Variants in AEBP2 observed in about 807,000 individuals in gnomAD.
The protein encoded by AEBP2 is AE binding protein 2, also known as zinc finger protein AEBP2.
In AEBP2, 10 loss-of-function variants were observed where a neutral mutation model predicts 50.8. That is an observed-to-expected ratio of 0.20 (90% CI 0.12 to 0.33). AEBP2 has a LOEUF of 0.33. AEBP2 is among the 10% of genes least tolerant of loss of function. The pLI is 1.00. For synonymous variants in AEBP2, 296 were observed against 261.3 expected, an observed-to-expected ratio of 1.13 and a Z score of -1.28; for missense variants, 570 against 688.0, an observed-to-expected ratio of 0.83 and a Z score of 1.92.
intron 1 of AEBP2, among the ~76,000 whole-genome samples, chr12:19,459,681 T>G (rs547522393): frequency 1.3e-5 from 2 of 152,328 alleles, no homozygotes; most frequent in South Asian, 2.1e-4. Context: ...TTACAGAGAT[T>G]ACAGAGTTTT....
At chr12:19,449,856 G>A (rs1948135978) in intron 1 of AEBP2, among the ~76,000 whole-genome samples, 1 of 152,126 alleles carries the variant, frequency 6.6e-6, no homozygotes, top group South Asian at 2.1e-4. Flanking sequence ...AAAATGATGA[G>A]CATTTACTAC....
At position 19,522,016 on chromosome 12, in the gene AEBP2, C is replaced by A. The variant is rs889079778; in HGVS notation, c.*3899C>A. On this transcript the variant is annotated 3_prime_UTR_variant, in exon 8 of 8. Transcript: ENST00000266508. ...GTAACAAAGCCTGTTGGGTACAGGT[C>A]TACAAGGAGATACTTTGTTTCTAAA... The A allele has an allele frequency of 1.2e-4, 18 of 151,520 alleles. No individual in the cohort carries two copies. The highest frequency in any genetic ancestry group is 2.4e-4 in the Non-Finnish European group (16 of 67,942). The allele number at this position is 151,520 out of a possible 1,614,324, so 9.4% of individuals were successfully genotyped here. A position where few individuals can be genotyped will look rare whatever the true frequency, so the allele number is the denominator to read the frequency against.
chr12:19,480,223 C>G (rs1948707070), intron 3 of AEBP2, among the ~76,000 whole-genome samples: 1 of 152,142 alleles, frequency 6.6e-6, no homozygotes, highest in Non-Finnish European at 1.5e-5. Flanking sequence ...CCTGCCTCAC[C>G]CTCCCAAGTA....
At chr12:19,485,965 TTTTC>T (rs202193954) in intron 3 of AEBP2, among the ~76,000 whole-genome samples, 2,962 of 149,842 alleles carry the variant, frequency 0.02, 35 homozygotes, top group East Asian at 0.04. Flanking sequence ...TTTTTTTTTT[TTTTC>T]ATTTTGTTTG....
chr12:19,440,877 A>G (rs1947945634), intron 1 of AEBP2: 2 of 1,013,676 alleles, frequency 2.0e-6, no homozygotes, highest in Non-Finnish European at 2.8e-6. Flanking sequence ...AAACAAAAAA[A>G]GGACTGTTCT....
At chr12:19,462,429 A>G in intron 1 of AEBP2, 81 bp from the exon 2 acceptor site, 1 of 1,169,062 alleles carries the variant, frequency 8.6e-7, no homozygotes, top group Non-Finnish European at 1.2e-6. Flanking sequence ...GTCAAGTGGT[A>G]ATCTTAATTA....
intron 5 of AEBP2, among the ~76,000 whole-genome samples, chr12:19,506,827 A>G (rs189224844): frequency 1.5e-4 from 23 of 152,272 alleles, no homozygotes; most frequent in Admixed American, 1.2e-3. Context: ...TGGAGTTACT[A>G]TGGACAAGAA....
At chr12:19,485,405 G>A (rs904117263) in intron 3 of AEBP2, among the ~76,000 whole-genome samples, 6 of 152,008 alleles carry the variant, frequency 3.9e-5, no homozygotes, top group African/African-American at 1.4e-4. Context: ...ATGGAAACGA[G>A]GTAATGAGAA....
intron 1 of AEBP2, among the ~76,000 whole-genome samples, chr12:19,417,824 C>T (rs2095743433): frequency 6.6e-6 from 1 of 152,028 alleles, no homozygotes; most frequent in Admixed American, 6.6e-5. Context: ...CCTGCCTCAG[C>T]CTCCTGAGTA....
At chr12:19,434,274 A>T (rs1370524855) in intron 1 of AEBP2, among the ~76,000 whole-genome samples, 1 of 151,452 alleles carries the variant, frequency 6.6e-6, no homozygotes, top group Non-Finnish European at 1.5e-5. Context: ...CCCGGGTTCA[A>T]GCGATTCTCC....
intron 5 of AEBP2, among the ~76,000 whole-genome samples, chr12:19,511,682 ACAG>A (rs1420716220): frequency 6.6e-6 from 1 of 152,082 alleles, no homozygotes; most frequent in Admixed American, 6.6e-5. Context: ...ATTAATGAGT[ACAG>A]TTCCTAGATC....
intron 1 of AEBP2, 42 bp from the exon 2 acceptor site, chr12:19,462,468 T>C (rs1363626417): frequency 6.7e-6 from 10 of 1,484,410 alleles, no homozygotes; most frequent in Non-Finnish European, 9.2e-6. Context: ...TTCATGTTAG[T>C]GAATTTCTAG....
chr12:19,408,789 G>T (rs1369755017), intron 1 of AEBP2, among the ~76,000 whole-genome samples: 1 of 151,902 alleles, frequency 6.6e-6, no homozygotes, highest in Non-Finnish European at 1.5e-5. Flanking sequence ...TGTAATTCCA[G>T]CTGCTCAGGA....
rs1202026576 is a variant in AEBP2 at position 19,440,096 on chromosome 12, A to G, written c.397A>G (p.Ser133Gly). The G allele has an allele frequency of 6.6e-7, 1 of 1,507,470 alleles. No homozygotes were observed. The allele number at this position is 1,507,470 out of a possible 1,614,324, so 93.4% of individuals were successfully genotyped here. A position where few individuals can be genotyped will look rare whatever the true frequency, so the allele number is the denominator to read the frequency against. The change falls in exon 1 of 8, where the codon AGC becomes GGC. Residue 133 changes from serine (S) to glycine (G), a missense_variant. Physicochemically the swap from Ser to Gly is moderately conservative, Grantham distance 56 (BLOSUM62 0). Around this residue, in one of 2 missense-constraint regions of AEBP2, gnomAD observed 386 missense variants for 336.8 expected, o/e 1.15. Transcript: ENST00000266508. ...CCTGGTGGGCAGCAGCGGCGGGAGC[A>G]GCAGCGACGAGACCCGCTCGTTGAG... is the stretch of plus-strand genomic sequence containing the variant. ...ESLVGSSGGS[S>G]SDETRSLSPG...
chr12:19,504,368 G>A (rs532273596), intron 5 of AEBP2, among the ~76,000 whole-genome samples: 139 of 114,860 alleles, frequency 1.2e-3, no homozygotes, highest in African/African-American at 4.1e-3. Flanking sequence ...CCGAGTAGCT[G>A]GGAATACAGG....
At chr12:19,491,837 A>C (rs544216703) in intron 3 of AEBP2, among the ~76,000 whole-genome samples, 4 of 152,290 alleles carry the variant, frequency 2.6e-5, no homozygotes, top group Non-Finnish European at 5.9e-5. Context: ...CTCTGTGTTC[A>C]AAATGGAAAG....
At chr12:19,456,244 T>C (rs1370957911) in intron 1 of AEBP2, 3 of 1,517,418 alleles carry the variant, frequency 2.0e-6, no homozygotes, top group Admixed American at 1.7e-5. Flanking sequence ...AGGGATAATA[T>C]TCATTTAGCC....
chr12:19,511,446 A>C (rs1431075957), intron 5 of AEBP2, among the ~76,000 whole-genome samples: 1 of 152,214 alleles, frequency 6.6e-6, no homozygotes, highest in Non-Finnish European at 1.5e-5. Context: ...TGAGGCCTAG[A>C]GAGGCCAGAT....
intron 5 of AEBP2, among the ~76,000 whole-genome samples, chr12:19,511,942 A>AGT (rs1185309196): frequency 6.6e-6 from 1 of 152,142 alleles, no homozygotes; most frequent in Non-Finnish European, 1.5e-5. Flanking sequence ...CAAAGGTTTG[A>AGT]GTGCTACAAG....
Sources: gnomAD v4.1 joint callset for allele counts (sites outside exome capture counted in the v4.1 genomes callset) on GRCh38, gnomAD v4.1.1 for gene constraint, gnomAD v4.1.1 regional missense constraint, MANE v1.5 for transcripts, NCBI Gene and HGNC (gene_info 2026-07-23, HGNC 2026-07-21) for gene names.